Variants in TBC1D31 observed in about 807,000 individuals in gnomAD.
The protein encoded by TBC1D31 is TBC1 domain family member 31, also known as WD repeat domain 67.
A neutral mutation model predicts 132.9 loss-of-function variants in TBC1D31; 99 were observed. The observed-to-expected ratio is 0.74, with a 90% CI of 0.63 to 0.88. The LOEUF (loss-of-function observed/expected upper bound fraction) is 0.88, where lower values mean the gene tolerates loss of function less well. Among genes scored for constraint, TBC1D31 ranks in the 40% least tolerant of loss-of-function variants. TBC1D31 has a pLI of 0.00. For synonymous variants in TBC1D31, 385 were observed against 419.4 expected, an observed-to-expected ratio of 0.92 and a Z score of 1.00; for missense variants, 1,134 against 1,256.6, an observed-to-expected ratio of 0.90 and a Z score of 1.48.
intron 4 of TBC1D31, among the ~76,000 whole-genome samples, chr8:123,093,176 T>A (rs1816515138): frequency 6.6e-6 from 1 of 152,128 alleles, no homozygotes; most frequent in Non-Finnish European, 1.5e-5. Flanking sequence ...CTCGAACTTA[T>A]GTCCTCAAGT....
In TBC1D31 at chr8:123,072,802, CGGCAAGATAT is replaced by C. The variant is rs1814035914; in HGVS notation, c.38_47del (p.Lys13ThrfsTer13). 3.2e-6 allele frequency: 5 copies of C among 1,574,184 alleles called. No homozygotes were observed. Among genetic ancestry groups the C allele is most frequent in the Non-Finnish European group, 4.3e-6 (5 of 1,160,424 alleles). ...GCACTGACCTAGGCAACAAGGAGAG[CGGCAAGATAT>C]GGCACCGCAAGCCGTCCCCGGCCAC... On this transcript the variant is annotated frameshift_variant, in exon 1 of 22. Transcript: ENST00000287380. LOFTEE classifies it high-confidence loss of function.
In TBC1D31 at chr8:123,082,811, G is replaced by T. The variant is rs139223176; in HGVS notation, c.334G>T (p.Asp112Tyr). 9 of 1,600,640 alleles carry T rather than the reference G, an allele frequency of 5.6e-6. No individual in the cohort carries two copies. The highest frequency in any genetic ancestry group is 7.7e-6 in the Non-Finnish European group (9 of 1,169,846). Residue 112 changes from aspartate to tyrosine, a missense_variant, in exon 3 of 22, where the codon GAT becomes TAT. Transcript: ENST00000287380. ...ALADYSIKCF[D>Y]TVTKELVSWM... ...AGCTGATTATTCTATTAAATGTTTT[G>T]ATACAGGTAAGAAGTTCTCCTATTT...
At chr8:123,117,028 G>A (rs1233714502) in intron 10 of TBC1D31, among the ~76,000 whole-genome samples, 2 of 152,294 alleles carry the variant, frequency 1.3e-5, no homozygotes, top group East Asian at 3.9e-4. Flanking sequence ...AAAAGTTCTA[G>A]GAGTGCCTGG....
At chr8:123,091,621 A>G (rs1327353199) in intron 4 of TBC1D31, among the ~76,000 whole-genome samples, 1 of 152,038 alleles carries the variant, frequency 6.6e-6, no homozygotes, top group African/African-American at 2.4e-5. Context: ...CGTATTTTTT[A>G]TTGTCTTATT....
In TBC1D31 at chr8:123,091,844, T is replaced by A. The variant is rs28654188; in HGVS notation, c.520-1747T>A. On this transcript the variant is annotated intron_variant, in intron 4 of 21. Coordinates refer to ENST00000287380, the MANE Select transcript of TBC1D31 (RefSeq NM_145647.4). ...GATAGAAAAATGAAAATTAGGAGAA[T>A]AAAGTGATGACATTTTCAACTTTAC... Among the ~76,000 whole-genome samples, 229 of 152,334 alleles carry A rather than the reference T, an allele frequency of 1.5e-3. 1 individual carries two copies. Among genetic ancestry groups the A allele is most frequent in the African/African-American group, 4.3e-3 (180 of 41,580 alleles).
intron 20 of TBC1D31, 90 bp from the exon 21 acceptor site, chr8:123,149,946 G>T (rs1240256557): frequency 1.2e-6 from 1 of 836,686 alleles, no homozygotes; most frequent in Non-Finnish European, 1.9e-6. Flanking sequence ...GCCATCCTTG[G>T]TGATTGTAAC....
At chr8:123,090,468 G>T (rs1341834582) in intron 4 of TBC1D31, among the ~76,000 whole-genome samples, 1 of 152,120 alleles carries the variant, frequency 6.6e-6, no homozygotes, top group Non-Finnish European at 1.5e-5. Flanking sequence ...TGATTACTGT[G>T]GTTCAGCAGG....
chr8:123,089,459 A>C (rs1816121479), intron 4 of TBC1D31, among the ~76,000 whole-genome samples: 1 of 152,208 alleles, frequency 6.6e-6, no homozygotes, highest in Non-Finnish European at 1.5e-5. Context: ...ACATGGGCTC[A>C]TGCCTGTAAT....
the TBC1D31 span, among the ~76,000 whole-genome samples, chr8:123,161,324 C>A: frequency 6.6e-6 from 1 of 152,260 alleles, no homozygotes; most frequent in African/African-American, 2.4e-5. Flanking sequence ...CCATTGCCTT[C>A]ATCTGCCTCC....
chr8:123,138,259 G>A (rs768196105), intron 17 of TBC1D31, among the ~76,000 whole-genome samples: 16 of 152,244 alleles, frequency 1.1e-4, no homozygotes, highest in Non-Finnish European at 2.2e-4. Context: ...GTGGCTGCTG[G>A]TGAACCATAA....
chr8:123,160,835 T>C, the TBC1D31 span, among the ~76,000 whole-genome samples: 1 of 152,132 alleles, frequency 6.6e-6, no homozygotes, highest in Non-Finnish European at 1.5e-5. Flanking sequence ...CTTTTAAAGA[T>C]GTATGTCCCC....
chr8:123,097,808 C>T (rs1469788136), intron 6 of TBC1D31: 1 of 158,818 alleles, frequency 6.3e-6, no homozygotes, highest in Non-Finnish European at 1.4e-5. Flanking sequence ...GACTCGTCAA[C>T]ATTCCTGTTA....
chr8:123,161,064 T>C, the TBC1D31 span, among the ~76,000 whole-genome samples: 1 of 152,094 alleles, frequency 6.6e-6, no homozygotes, highest in African/African-American at 2.4e-5. Flanking sequence ...GGGAGGCTCC[T>C]GCAGGCCGTG....
downstream of TBC1D31, among the ~76,000 whole-genome samples, chr8:123,154,057 T>C (rs946370065): frequency 1.3e-5 from 2 of 152,256 alleles, no homozygotes; most frequent in Non-Finnish European, 2.9e-5. Flanking sequence ...TTCTCCCAGG[T>C]TGAGCAAGAT....
Position 123,093,659 on chromosome 8 carries a change from A to G in TBC1D31, c.588A>G (p.Glu196=). The part of the protein sequence containing the change: ...CFKDNSIFAW[E]CDTLFCKYQL... ...AAGATAATTCCATTTTTGCCTGGGA[A>G]TGTGACACACTTTTTTGCAAATATC... Residue 196 remains glutamate, a synonymous_variant, in exon 5 of 22, where the codon GAA becomes GAG. Coordinates refer to ENST00000287380, the MANE Select transcript of TBC1D31 (RefSeq NM_145647.4). The G allele has an allele frequency of 6.2e-7, 1 of 1,611,256 alleles. No individual in the cohort carries two copies. Among genetic ancestry groups the G allele is most frequent in the Non-Finnish European group, 8.5e-7 (1 of 1,177,918 alleles).
intron 7 of TBC1D31, chr8:123,102,929 A>G (rs1817585786): frequency 6.6e-6 from 1 of 152,274 alleles, no homozygotes; most frequent in South Asian, 2.1e-4. Flanking sequence ...CTTACCTTAC[A>G]GAGAAAATAC....
chr8:123,129,560 TTTTTTAA>T (rs1437928077), intron 15 of TBC1D31, among the ~76,000 whole-genome samples: 1 of 152,212 alleles, frequency 6.6e-6, no homozygotes, highest in East Asian at 1.9e-4. Context: ...AGAGTATAAT[TTTTTTAA>T]TTGTGTTTTA....
chr8:123,158,360 AC>A, the TBC1D31 span, among the ~76,000 whole-genome samples: 1 of 152,188 alleles, frequency 6.6e-6, no homozygotes, highest in Non-Finnish European at 1.5e-5. Flanking sequence ...GTACATTTAT[AC>A]GGCGTTTATA....
intron 20 of TBC1D31, among the ~76,000 whole-genome samples, chr8:123,147,897 G>T (rs1162408542): frequency 6.6e-6 from 1 of 151,946 alleles, no homozygotes; most frequent in African/African-American, 2.4e-5. Flanking sequence ...GGAGGCCAAG[G>T]TGGGCAGATC....
Sources: allele counts gnomAD v4.1 joint callset (sites outside exome capture counted in the v4.1 genomes callset), GRCh38; gene constraint gnomAD v4.1.1; transcripts MANE v1.5; gene names NCBI Gene and HGNC (gene_info 2026-07-23, HGNC 2026-07-21).